Variants in CYP19A1 observed in about 807,000 individuals in gnomAD.
CYP19A1 encodes cytochrome P450 family 19 subfamily A member 1, also known as aromatase.
In CYP19A1, 32 loss-of-function variants were observed where a neutral mutation model predicts 44.4. That is an observed-to-expected ratio of 0.72 (90% CI 0.54 to 0.97). The LOEUF is 0.97. Ranked by LOEUF, CYP19A1 falls within the 50% of genes least tolerant of loss-of-function variation. The pLI, the probability that CYP19A1 is intolerant of heterozygous loss-of-function variation, is 0.00. For synonymous variants in CYP19A1, 212 were observed against 215.6 expected (o/e 0.98, Z 0.14); for missense variants, 598 against 637.8 (o/e 0.94, Z 0.67).
chr15:51,233,267 C>G (rs1036957136), intron 3 of CYP19A1, among the ~76,000 whole-genome samples: 1 of 152,194 alleles, frequency 6.6e-6, no homozygotes, highest in Non-Finnish European at 1.5e-5. Flanking sequence ...TTGCCCGGGA[C>G]TATGCCAGTT....
chr15:51,217,434 G>C (rs1230511734), intron 6 of CYP19A1, among the ~76,000 whole-genome samples: 1 of 152,190 alleles, frequency 6.6e-6, no homozygotes, highest in Non-Finnish European at 1.5e-5. Context: ...TAGTTTTCAA[G>C]TCACAATAAG....
intron 1 of CYP19A1, among the ~76,000 whole-genome samples, chr15:51,290,753 G>A (rs998197097): frequency 3.3e-5 from 5 of 152,184 alleles, no homozygotes; most frequent in Admixed American, 6.5e-5. Context: ...CCTTCCCTCC[G>A]AGCGTCATGT....
intron 5 of CYP19A1, among the ~76,000 whole-genome samples, chr15:51,220,951 G>A (rs2032018921): frequency 6.7e-6 from 1 of 150,254 alleles, no homozygotes; most frequent in Non-Finnish European, 1.5e-5. Flanking sequence ...TTGTTTTTTG[G>A]TGGTGGTAGA....
At chr15:51,307,199 G>A (rs2036231539) in intron 1 of CYP19A1, among the ~76,000 whole-genome samples, 1 of 152,202 alleles carries the variant, frequency 6.6e-6, no homozygotes, top group African/African-American at 2.4e-5. Flanking sequence ...ATTGGTGGCA[G>A]GGAGCCTGGT....
intron 1 of CYP19A1, among the ~76,000 whole-genome samples, chr15:51,330,449 C>A (rs2036681990): frequency 6.6e-6 from 1 of 152,178 alleles, no homozygotes; most frequent in Non-Finnish European, 1.5e-5. Context: ...ATGAAAAAAT[C>A]TTGCTATCAT....
intron 1 of CYP19A1, among the ~76,000 whole-genome samples, chr15:51,268,682 C>T (rs71471600): frequency 0.07 from 10,661 of 152,236 alleles, 494 homozygotes; most frequent in Non-Finnish European, 0.1. Flanking sequence ...AAATTATCTT[C>T]CGAGGTTCCA....
At chr15:51,221,989 C>A in intron 5 of CYP19A1, 1 of 412,184 alleles carries the variant, frequency 2.4e-6, no homozygotes, top group Non-Finnish European at 4.4e-6. Context: ...ATGTATATAT[C>A]ATGCCCAAAA....
At chr15:51,256,687 C>A (rs1420789015) in intron 1 of CYP19A1, among the ~76,000 whole-genome samples, 1 of 152,198 alleles carries the variant, frequency 6.6e-6, no homozygotes, top group African/African-American at 2.4e-5. Flanking sequence ...GAAGTAGCAC[C>A]TGCCTCCCAA....
At chr15:51,288,548 C>G (rs556632668) in intron 1 of CYP19A1, among the ~76,000 whole-genome samples, 4 of 152,336 alleles carry the variant, frequency 2.6e-5, no homozygotes, top group Admixed American at 1.3e-4. Flanking sequence ...GCTCCATCCT[C>G]TCACCCTTTG....
intron 1 of CYP19A1, among the ~76,000 whole-genome samples, chr15:51,289,462 G>T (rs536501535): frequency 6.6e-6 from 1 of 152,100 alleles, no homozygotes; most frequent in Admixed American, 6.5e-5. Context: ...CTCACCCACA[G>T]GGACGTGAAC....
intron 1 of CYP19A1, among the ~76,000 whole-genome samples, chr15:51,291,356 G>A (rs2035842357): frequency 6.6e-6 from 1 of 152,008 alleles, no homozygotes; most frequent in Non-Finnish European, 1.5e-5. Flanking sequence ...GGAGGAGAAC[G>A]TACATTATTA....
chr15:51,313,857 C>A (rs561065883), intron 1 of CYP19A1, among the ~76,000 whole-genome samples: 4 of 151,950 alleles, frequency 2.6e-5, no homozygotes, highest in Non-Finnish European at 4.4e-5. Context: ...GGCTGGGGTG[C>A]GTGGTCTCAG....
chr15:51,218,435 T>C, intron 6 of CYP19A1, 106 bp downstream of exon 6: 1 of 1,494,184 alleles, frequency 6.7e-7, no homozygotes. Flanking sequence ...TTGTGGGCTC[T>C]AGAGAGCAGA....
intron 2 of CYP19A1, 35 bp downstream of exon 2, chr15:51,242,733 A>T: frequency 1.5e-6 from 2 of 1,378,156 alleles, no homozygotes; most frequent in Non-Finnish European, 2.1e-6. Flanking sequence ...CAAGTAAATA[A>T]TCTCCTTAGA....
chr15:51,319,875 C>T (rs2036496409), intron 1 of CYP19A1, among the ~76,000 whole-genome samples: 2 of 152,190 alleles, frequency 1.3e-5, no homozygotes. Context: ...CTCTGAACCT[C>T]AGGTTTCTTG....
chr15:51,222,150 T>C, intron 5 of CYP19A1, 199 bp downstream of exon 5: 13 of 903,248 alleles, frequency 1.4e-5, no homozygotes, highest in Non-Finnish European at 2.0e-5. Context: ...TAGTAGATGC[T>C]GGCCCCTACT....
rs1214113628 is a variant in CYP19A1 at position 51,222,249 on chromosome 15, T to A, written c.628+100A>T. On this transcript the variant is annotated intron_variant, in intron 5 of 9. Transcript: ENST00000396402. ...CTTAGAAATGTTTAAACAAGAGCAA[T>A]GTAGAAAATGGCATGTGATTCCTTT... is the stretch of plus-strand genomic sequence containing the variant. The A allele has an allele frequency of 6.3e-6, 10 of 1,594,006 alleles. No homozygotes were observed. In the East Asian group the frequency reaches 2.0e-4, roughly 32 times the overall value.
At chr15:51,302,737 G>A (rs2036140617) in intron 1 of CYP19A1, among the ~76,000 whole-genome samples, 1 of 152,188 alleles carries the variant, frequency 6.6e-6, no homozygotes, top group Admixed American at 6.5e-5. Context: ...GCTCAAACGC[G>A]ACCTCCTCTG....
At position 51,222,243 on chromosome 15, in the gene CYP19A1, G is replaced by C. The variant is rs1008096146; in HGVS notation, c.628+106C>G. 7 of 1,584,934 alleles carry C rather than the reference G, an allele frequency of 4.4e-6. No homozygotes were observed. In the Admixed American group the frequency reaches 7.1e-5, roughly 16 times the overall value. ...GGAGTACTTAGAAATGTTTAAACAA[G>C]AGCAATGTAGAAAATGGCATGTGAT... On this transcript the variant is annotated intron_variant, in intron 5 of 9. Coordinates refer to ENST00000396402, the MANE Select transcript of CYP19A1 (RefSeq NM_000103.4).
Sources: gnomAD v4.1 joint callset for allele counts (sites outside exome capture counted in the v4.1 genomes callset) on GRCh38, gnomAD v4.1.1 for gene constraint, MANE v1.5 for transcripts, NCBI Gene and HGNC (gene_info 2026-07-23, HGNC 2026-07-21) for gene names.